The following MACROD2 variants were observed in gnomAD, a reference collection of about 807,000 sequenced individuals.
MACROD2 encodes the protein ADP-ribose glycohydrolase MACROD2.
Under a neutral mutation model 70.4 loss-of-function variants are expected in MACROD2, and 36 were observed. The observed-to-expected ratio is 0.51, with a 90% CI of 0.39 to 0.68. The LOEUF is 0.68. MACROD2 is among the 30% of genes least tolerant of loss of function. The pLI, the probability that MACROD2 is intolerant of heterozygous loss-of-function variation, is 0.00. For synonymous variants in MACROD2, 172 were observed against 178.8 expected (o/e 0.96, Z 0.30); for missense variants, 496 against 538.4 (o/e 0.92, Z 0.78).
chr20:15,038,884 G>A (rs989829817), intron 5 of MACROD2, among the ~76,000 whole-genome samples: 3 of 152,186 alleles, frequency 2.0e-5, no homozygotes, highest in African/African-American at 7.2e-5. Context: ...TAATATATGT[G>A]TGATTTAGTC....
chr20:14,830,517 A>C lies in MACROD2; in HGVS notation c.418+145558A>C, dbSNP rs969431881. ...AGTATGTTAACATAATTTTGTTTCTATTTCATTTTCTCAAACTGGAAGAAA... is the reference window on the plus strand; with the variant it reads ...AGTATGTTAACATAATTTTGTTTCTCTTTCATTTTCTCAAACTGGAAGAAA... On this transcript the variant is annotated intron_variant, in intron 5 of 17. Coordinates refer to ENST00000684519, the MANE Select transcript of MACROD2 (RefSeq NM_001351661.2). 2.6e-5 allele frequency among the ~76,000 whole-genome samples: 4 copies of C among 152,070 alleles called. No individual in the cohort carries two copies. The East Asian group carries it at 7.7e-4, about 29-fold the overall frequency.
intron 4 of MACROD2, among the ~76,000 whole-genome samples, chr20:14,632,497 A>C (rs1446283154): frequency 1.3e-5 from 2 of 152,164 alleles, no homozygotes; most frequent in Non-Finnish European, 2.9e-5. Flanking sequence ...TCTTAAGTAC[A>C]TAATGATAAG....
chr20:15,025,550 C>A (rs1023030025), intron 5 of MACROD2, among the ~76,000 whole-genome samples: 2 of 75,172 alleles, frequency 2.7e-5, no homozygotes, highest in African/African-American at 1.1e-4. Context: ...TCCTCAGGGG[C>A]TCCTGATACA....
intron 3 of MACROD2, among the ~76,000 whole-genome samples, chr20:14,267,728 A>G (rs1444313484): frequency 6.6e-6 from 1 of 152,116 alleles, no homozygotes; most frequent in African/African-American, 2.4e-5. Context: ...ATGCCAACTG[A>G]AGAGAAAGAG....
At position 14,603,435 on chromosome 20, in the gene MACROD2, T is replaced by C. The variant is rs1982617746; in HGVS notation, c.302-81408T>C. ...AATATCTCTGAAAAAAAGAAGTGGCTGGATTTAGCAGAGGAAAATCAGTGT... is the reference window on the plus strand; with the variant it reads ...AATATCTCTGAAAAAAAGAAGTGGCCGGATTTAGCAGAGGAAAATCAGTGT... On this transcript the variant is annotated intron_variant, in intron 4 of 17. Coordinates refer to ENST00000684519, the MANE Select transcript of MACROD2 (RefSeq NM_001351661.2). Among the ~76,000 whole-genome samples, 3 of 152,322 alleles carry C rather than the reference T, an allele frequency of 2.0e-5. No individual in the cohort carries two copies. In the South Asian group the frequency reaches 6.2e-4, roughly 32 times the overall value.
chr20:15,251,684 C>T (rs1053579962), intron 6 of MACROD2, among the ~76,000 whole-genome samples: 2 of 152,050 alleles, frequency 1.3e-5, no homozygotes, highest in East Asian at 1.9e-4. Flanking sequence ...TCTTTTTCAT[C>T]TTTATTTTCC....
chr20:15,501,330 A>G (rs1334740110), intron 8 of MACROD2, among the ~76,000 whole-genome samples: 1 of 152,220 alleles, frequency 6.6e-6, no homozygotes, highest in African/African-American at 2.4e-5. Flanking sequence ...ATAGTAATCC[A>G]AGGATATGCC....
chr20:15,325,593 C>G (rs2077920170), intron 6 of MACROD2, among the ~76,000 whole-genome samples: 1 of 152,116 alleles, frequency 6.6e-6, no homozygotes, highest in African/African-American at 2.4e-5. Flanking sequence ...GACTACTGTG[C>G]TGTGGACAGC....
chr20:16,034,536 G>C (rs2067197554), intron 15 of MACROD2, among the ~76,000 whole-genome samples: 1 of 151,998 alleles, frequency 6.6e-6, no homozygotes, highest in South Asian at 2.1e-4. Flanking sequence ...GGAGTTAAAT[G>C]TACGTGCAGA....
intron 5 of MACROD2, among the ~76,000 whole-genome samples, chr20:14,995,744 C>A (rs2074943752): frequency 6.6e-6 from 1 of 151,888 alleles, no homozygotes; most frequent in Admixed American, 6.6e-5. Context: ...TTTAAAAATA[C>A]CATAATGGAC....
Position 15,403,396 on chromosome 20 carries a change from TAGAG to T in MACROD2, c.541-27995_541-27992del, listed in dbSNP as rs147714991. Among the ~76,000 whole-genome samples the T allele has an allele frequency of 4.9e-3, 728 of 149,466 alleles. 6 individuals are homozygous for T. Among genetic ancestry groups the T allele is most frequent in the African/African-American group, 0.017 (697 of 40,934 alleles). ...TTTGTGTAGGTCTGTGTGTGTTTGT[TAGAG>T]AGAGAGAGAGAGAAAGAGAAGAAGA... On this transcript the variant is annotated intron_variant, in intron 6 of 17. Transcript: ENST00000684519.
intron 2 of MACROD2, among the ~76,000 whole-genome samples, chr20:14,008,340 G>A (rs1163279999): frequency 6.6e-6 from 1 of 152,020 alleles, no homozygotes; most frequent in African/African-American, 2.4e-5. Flanking sequence ...AGGCAGGCCG[G>A]GAGGCAAGTC....
Position 14,325,447 on chromosome 20 carries a change from C to CT in MACROD2, c.272-168025dup, listed in dbSNP as rs968789992. ...TATATGGCAAATGTACAGTACATTG[C>CT]TTTTTTTCAGTCTCTTTTTCCAGTG... On this transcript the variant is annotated intron_variant, in intron 3 of 17. Coordinates refer to ENST00000684519, the MANE Select transcript of MACROD2 (RefSeq NM_001351661.2). 2.8e-5 allele frequency: 34 copies of CT among 1,210,610 alleles called. 1 individual carries two copies. The Middle Eastern group carries it at 3.8e-3, about 135-fold the overall frequency. 75.0% of individuals were successfully genotyped at this position (1,210,610 alleles called of 1,614,324 possible). A position where few individuals can be genotyped will look rare whatever the true frequency, so the allele number is the denominator to read the frequency against.
chr20:14,608,734 A>G (rs1354507257), intron 4 of MACROD2, among the ~76,000 whole-genome samples: 1 of 152,176 alleles, frequency 6.6e-6, no homozygotes, highest in African/African-American at 2.4e-5. Context: ...TATTTGGATT[A>G]TATAACTTTA....
intron 6 of MACROD2, among the ~76,000 whole-genome samples, chr20:15,311,990 A>G (rs530981329): frequency 1.3e-5 from 2 of 152,332 alleles, no homozygotes; most frequent in South Asian, 4.1e-4. Context: ...TTGGAAAGTA[A>G]TATTTTAGTA....
At chr20:14,830,251 T>G (rs981063676) in intron 5 of MACROD2, among the ~76,000 whole-genome samples, 1 of 152,240 alleles carries the variant, frequency 6.6e-6, no homozygotes, top group Non-Finnish European at 1.5e-5. Context: ...GATTGCCAAG[T>G]CTCTCTGAGT....
At chr20:14,627,285 G>A (rs1984233519) in intron 4 of MACROD2, among the ~76,000 whole-genome samples, 1 of 152,104 alleles carries the variant, frequency 6.6e-6, no homozygotes, top group African/African-American at 2.4e-5. Context: ...AATGGGAATT[G>A]GCCTCTTCTC....
intron 8 of MACROD2, among the ~76,000 whole-genome samples, chr20:15,848,511 G>A (rs919852242): frequency 6.6e-6 from 1 of 152,266 alleles, no homozygotes; most frequent in African/African-American, 2.4e-5. Context: ...TTTGTAGGGG[G>A]CATTTTGGGC....
At position 15,477,108 on chromosome 20, in the gene MACROD2, T is replaced by G. The variant is rs191528625; in HGVS notation, c.572-22666T>G. 6.7e-3 allele frequency among the ~76,000 whole-genome samples: 996 copies of G among 147,780 alleles called. 6 individuals are homozygous for G. The highest frequency in any genetic ancestry group is 0.049 in the Middle Eastern group (14 of 288). On this transcript the variant is annotated intron_variant, in intron 7 of 17. Transcript: ENST00000684519. ...CTTTTCTCTATTTTTAGTTTTTTTT[T>G]TTTTTTTTTTGAGACAGGGCCTCAC...
Sources: allele counts gnomAD v4.1 joint callset (sites outside exome capture counted in the v4.1 genomes callset), GRCh38; gene constraint gnomAD v4.1.1; transcripts MANE v1.5; gene names NCBI Gene and HGNC (gene_info 2026-07-23, HGNC 2026-07-21).